The following CDH12 variants were observed in gnomAD, a reference collection of about 807,000 sequenced individuals.
CDH12 encodes cadherin-12.
Under a neutral mutation model 74.1 loss-of-function variants are expected in CDH12, and 41 were observed. That is an observed-to-expected ratio of 0.55 (90% CI 0.43 to 0.72). The LOEUF (loss-of-function observed/expected upper bound fraction) is 0.72. Ranked by LOEUF, CDH12 falls within the 30% of genes least tolerant of loss-of-function variation. The pLI is 0.00. For missense variants in CDH12, 945 were observed against 977.2 expected, an observed-to-expected ratio of 0.97 and a Z score of 0.44; for synonymous variants, 399 against 355.0, an observed-to-expected ratio of 1.12 and a Z score of -1.39.
At chr5:22,825,556 G>T (rs921151769) in intron 1 of CDH12, among the ~76,000 whole-genome samples, 7 of 152,194 alleles carry the variant, frequency 4.6e-5, no homozygotes, top group Admixed American at 2.0e-4. Flanking sequence ...AAACAGCAAA[G>T]GCTGCTTGGC....
intron 1 of CDH12, among the ~76,000 whole-genome samples, chr5:22,600,114 T>G (rs972587017): frequency 2.0e-5 from 3 of 152,144 alleles, no homozygotes; most frequent in African/African-American, 7.2e-5. Context: ...TGTGTGCTGT[T>G]GGGCAGGTCC....
chr5:22,337,591 C>T (rs1327319771), intron 3 of CDH12, among the ~76,000 whole-genome samples: 1 of 152,170 alleles, frequency 6.6e-6, no homozygotes, highest in African/African-American at 2.4e-5. Flanking sequence ...TTGCCTGCTG[C>T]TATCCATGTA....
chr5:21,886,584 A>C (rs1752645541), intron 6 of CDH12, among the ~76,000 whole-genome samples: 1 of 147,744 alleles, frequency 6.8e-6, no homozygotes, highest in East Asian at 2.0e-4. Flanking sequence ...TATATATATA[A>C]ATTCAGAGGG....
intron 2 of CDH12, among the ~76,000 whole-genome samples, chr5:22,498,483 T>A (rs1042230943): frequency 1.3e-5 from 2 of 151,974 alleles, no homozygotes; most frequent in Non-Finnish European, 2.9e-5. Context: ...ATCCCCCTAC[T>A]GATATTTTAT....
intron 3 of CDH12, among the ~76,000 whole-genome samples, chr5:22,361,867 G>C (rs1281323588): frequency 6.6e-6 from 1 of 152,158 alleles, no homozygotes; most frequent in Admixed American, 6.5e-5. Context: ...TGGGAAAACT[G>C]ACTAGCCATA....
chr5:22,058,497 T>C (rs933012284), intron 5 of CDH12, among the ~76,000 whole-genome samples: 7 of 152,128 alleles, frequency 4.6e-5, no homozygotes, highest in African/African-American at 1.7e-4. Context: ...TGAAAATTTT[T>C]TGGAAATCTT....
intron 9 of CDH12, among the ~76,000 whole-genome samples, chr5:21,809,269 C>T (rs1450102661): frequency 6.6e-6 from 1 of 151,852 alleles, no homozygotes; most frequent in Non-Finnish European, 1.5e-5. Context: ...AAACAAAAAA[C>T]AAGCAAACAA....
rs33947511 is a variant in CDH12, at chr5:22,389,650, A to ATTT, written c.-333+15604_-333+15606dup. ...CATTTTATTTTTTAATAAAAAGACAATTTTTTTTTTTTTTTTGAGACAGAG... is the reference window on the plus strand; with the variant it reads ...CATTTTATTTTTTAATAAAAAGACAATTTTTTTTTTTTTTTTTTTGAGACAGAG... On this transcript the variant is annotated intron_variant, in intron 3 of 14. Transcript: ENST00000382254. 1.2e-3 allele frequency among the ~76,000 whole-genome samples: 164 copies of ATTT among 138,348 alleles called. 7 individuals carry two copies. In the East Asian group the frequency reaches 0.025, roughly 21 times the overall value. 90.8% of individuals were successfully genotyped at this position (138,348 alleles called of 152,430 possible). A position where few individuals can be genotyped will look rare whatever the true frequency, so the allele number is the denominator to read the frequency against.
intron 1 of CDH12, among the ~76,000 whole-genome samples, chr5:22,703,768 A>G (rs761091680): frequency 1.8e-4 from 28 of 152,332 alleles, no homozygotes; most frequent in Non-Finnish European, 3.5e-4. Flanking sequence ...ACCATAGAAA[A>G]GACAATAAAA....
At chr5:22,536,220 G>A (rs188893613) in intron 1 of CDH12, among the ~76,000 whole-genome samples, 2 of 152,260 alleles carry the variant, frequency 1.3e-5, no homozygotes, top group Admixed American at 6.5e-5. Flanking sequence ...CCATCACAAC[G>A]TATGTACTGA....
intron 6 of CDH12, among the ~76,000 whole-genome samples, chr5:21,974,061 A>G (rs953527170): frequency 1.3e-5 from 2 of 152,118 alleles, no homozygotes; most frequent in African/African-American, 4.8e-5. Flanking sequence ...CAAGTGCATT[A>G]TAGTAAATCC....
At chr5:22,702,826 T>G (rs1426599216) in intron 1 of CDH12, among the ~76,000 whole-genome samples, 1 of 152,138 alleles carries the variant, frequency 6.6e-6, no homozygotes, top group Non-Finnish European at 1.5e-5. Context: ...GGTCCTTTGA[T>G]CTGCTATTAT....
chr5:21,906,991 G>C (rs1028803621), intron 6 of CDH12, among the ~76,000 whole-genome samples: 2 of 152,082 alleles, frequency 1.3e-5, no homozygotes, highest in Non-Finnish European at 2.9e-5. Context: ...GTTCTGTCTT[G>C]GTAGAGCCCA....
chr5:22,159,330 G>C (rs1405890107), intron 4 of CDH12, among the ~76,000 whole-genome samples: 1 of 152,158 alleles, frequency 6.6e-6, no homozygotes, highest in Non-Finnish European at 1.5e-5. Flanking sequence ...TGTTGAAAAT[G>C]AATAGTTTTC....
At chr5:22,499,720 G>A (rs1313705875) in intron 2 of CDH12, among the ~76,000 whole-genome samples, 4 of 152,076 alleles carry the variant, frequency 2.6e-5, no homozygotes, top group Non-Finnish European at 5.9e-5. Context: ...CAGTGTAGAA[G>A]TAGCCCAAAT....
rs5866528 is a variant in CDH12, at chr5:21,843,518, C to CTTT, written c.647-1193_647-1191dup. ...CTTTATTTATCAATTTGTACTGACA[C>CTTT]TTTTTTTTTTTTTGAGGCAGAGTTT... On this transcript the variant is annotated intron_variant, in intron 7 of 14. Coordinates refer to ENST00000382254, the MANE Select transcript of CDH12 (RefSeq NM_004061.5). Among the ~76,000 whole-genome samples the CTTT allele has an allele frequency of 9.0e-3, 1,304 of 145,094 alleles. 18 individuals are homozygous for CTTT. Among genetic ancestry groups the CTTT allele is most frequent in the African/African-American group, 0.026 (1,042 of 39,576 alleles).
At position 22,078,761 on chromosome 5, in the gene CDH12, C is replaced by A; in HGVS notation, c.-85G>T. The A allele has an allele frequency of 6.5e-7, 1 of 1,536,084 alleles. No homozygotes were observed. The highest frequency in any genetic ancestry group is 1.3e-5 in the South Asian group (1 of 79,888). ...GAATCCAGGTTTGAGGTGTCTGTGG[C>A]CTCCACCACTTAGCTTCTTGTTTTA... On this transcript the variant is annotated 5_prime_UTR_variant, in exon 5 of 15. Coordinates refer to ENST00000382254, the MANE Select transcript of CDH12 (RefSeq NM_004061.5).
rs1455171932 is a variant in CDH12, at chr5:22,754,581, AAAAAC to A, written c.-523+98472_-523+98476del. Among the ~76,000 whole-genome samples the A allele has an allele frequency of 7.0e-4, 102 of 145,272 alleles. 1 individual carries two copies. Among genetic ancestry groups the A allele is most frequent in the East Asian group, 5.8e-3 (29 of 5,024 alleles). On this transcript the variant is annotated intron_variant, in intron 1 of 14. Coordinates refer to ENST00000382254, the MANE Select transcript of CDH12 (RefSeq NM_004061.5). Reference sequence around the variant, plus strand: ...AGTGGAAAGCAGACAAAAAAAAAAAAAAAACAACAGCAGCTGTAGAAGCCTGAGAA... The same window carrying A: ...AGTGGAAAGCAGACAAAAAAAAAAAAAACAGCAGCTGTAGAAGCCTGAGAA...
At chr5:22,034,043 T>A (rs79110882) in intron 5 of CDH12, among the ~76,000 whole-genome samples, 2,885 of 152,230 alleles carry the variant, frequency 0.019, 97 homozygotes, top group African/African-American at 0.066. Flanking sequence ...GGTTTGTTTT[T>A]GGTTTTGTTT....
Sources: allele counts gnomAD v4.1 joint callset (sites outside exome capture counted in the v4.1 genomes callset), GRCh38; gene constraint gnomAD v4.1.1; transcripts MANE v1.5; gene names NCBI Gene and HGNC (gene_info 2026-07-23, HGNC 2026-07-21).